Variants in ABLIM1 observed in about 807,000 individuals in gnomAD.
ABLIM1 encodes the protein actin binding LIM protein 1.
In ABLIM1, 40 loss-of-function variants were observed where a neutral mutation model predicts 107.0. That is an observed-to-expected ratio of 0.37 (90% CI 0.29 to 0.49). The LOEUF is 0.49. Ranked by LOEUF, ABLIM1 falls within the 20% of genes least tolerant of loss-of-function variation. The pLI is 0.97. For missense variants in ABLIM1, 857 were observed against 1,008.5 expected, an observed-to-expected ratio of 0.85 and a Z score of 2.04; for synonymous variants, 357 against 357.3, an observed-to-expected ratio of 1.00 and a Z score of 0.01.
At chr10:114,704,335 TTG>T (rs2081376841) in intron 1 of ABLIM1, among the ~76,000 whole-genome samples, 2 of 83,448 alleles carry the variant, frequency 2.4e-5, no homozygotes, top group Non-Finnish European at 5.1e-5. Flanking sequence ...TATATATATA[TTG>T]CGCGCGTTAC....
chr10:114,654,083 G>T (rs2141132887), intron 1 of ABLIM1, among the ~76,000 whole-genome samples: 1 of 152,340 alleles, frequency 6.6e-6, no homozygotes, highest in South Asian at 2.1e-4. Context: ...GCCAGGAGCT[G>T]CTCCTGAACA....
intron 1 of ABLIM1, among the ~76,000 whole-genome samples, chr10:114,725,263 A>G (rs2081932392): frequency 6.6e-6 from 1 of 152,252 alleles, no homozygotes; most frequent in Admixed American, 6.5e-5. Context: ...AGATGTATGT[A>G]CAAGGATGTT....
intron 1 of ABLIM1, among the ~76,000 whole-genome samples, chr10:114,755,357 C>T (rs1318238064): frequency 6.6e-6 from 1 of 152,094 alleles, no homozygotes; most frequent in African/African-American, 2.4e-5. Flanking sequence ...GTCCCTGGTG[C>T]CAAAAAGGTT....
At chr10:114,793,857 A>G in the ABLIM1 span, among the ~76,000 whole-genome samples, 118 of 152,258 alleles carry the variant, frequency 7.7e-4, 1 homozygote, top group South Asian at 0.024. Context: ...TGCAGTCTGA[A>G]AGCTCTCAAA....
intron 1 of ABLIM1, among the ~76,000 whole-genome samples, chr10:114,618,492 AG>A (rs2077268555): frequency 1.3e-5 from 2 of 152,240 alleles, no homozygotes; most frequent in South Asian, 4.1e-4. Context: ...GAGACAGGTT[AG>A]GAGCTTGGCT....
chr10:114,744,251 C>T (rs1180375397), intron 1 of ABLIM1, among the ~76,000 whole-genome samples: 1 of 152,194 alleles, frequency 6.6e-6, no homozygotes, highest in Non-Finnish European at 1.5e-5. Context: ...TTCCTGCTAT[C>T]TCACTGGCCA....
chr10:114,625,651 G>A (rs190972355), intron 1 of ABLIM1, among the ~76,000 whole-genome samples: 1 of 152,214 alleles, frequency 6.6e-6, no homozygotes, highest in Non-Finnish European at 1.5e-5. Context: ...AAAGGGGGGG[G>A]TACAGTATGT....
chr10:114,796,229 T>C, the ABLIM1 span, among the ~76,000 whole-genome samples: 1 of 152,118 alleles, frequency 6.6e-6, no homozygotes, highest in Non-Finnish European at 1.5e-5. Context: ...ACAGTTTCTG[T>C]GGGTTGGGAA....
intron 6 of ABLIM1, among the ~76,000 whole-genome samples, chr10:114,529,325 G>A (rs541071765): frequency 2.6e-5 from 4 of 151,992 alleles, no homozygotes; most frequent in Non-Finnish European, 4.4e-5. Context: ...GGGTTTCACC[G>A]TGGTGGCCAG....
At chr10:114,620,011 T>C (rs2077366561) in intron 1 of ABLIM1, among the ~76,000 whole-genome samples, 1 of 152,184 alleles carries the variant, frequency 6.6e-6, no homozygotes, top group Non-Finnish European at 1.5e-5. Context: ...ATACCTATTA[T>C]CACAATAACA....
chr10:114,548,428 C>T (rs1365094354), intron 4 of ABLIM1, among the ~76,000 whole-genome samples: 1 of 152,160 alleles, frequency 6.6e-6, no homozygotes, highest in African/African-American at 2.4e-5. Context: ...TGAGGAACCC[C>T]AGCTAACTCC....
At chr10:114,584,924 T>C (rs1361466479) in intron 2 of ABLIM1, among the ~76,000 whole-genome samples, 2 of 152,186 alleles carry the variant, frequency 1.3e-5, no homozygotes, top group Admixed American at 1.3e-4. Flanking sequence ...TAACCTGTTG[T>C]AGAACTTCGT....
chr10:114,696,008 G>A (rs2081187059), intron 1 of ABLIM1, among the ~76,000 whole-genome samples: 1 of 152,232 alleles, frequency 6.6e-6, no homozygotes, highest in Non-Finnish European at 1.5e-5. Context: ...CCTAACTACA[G>A]CCTCCCTGAT....
At chr10:114,472,926 A>G (rs770534295) in intron 10 of ABLIM1, 51 bp downstream of exon 10, 1 of 1,462,998 alleles carries the variant, frequency 6.8e-7, no homozygotes, top group East Asian at 2.5e-5. Flanking sequence ...CAAATGTGAC[A>G]AAAGGGAAGG....
intron 6 of ABLIM1, among the ~76,000 whole-genome samples, chr10:114,542,755 G>C (rs1591055358): frequency 1.3e-5 from 2 of 152,190 alleles, no homozygotes; most frequent in East Asian, 3.9e-4. Flanking sequence ...CTTCTGAGAA[G>C]AGCTCTCTGG....
chr10:114,501,668 T>C (rs1590552688), intron 6 of ABLIM1, among the ~76,000 whole-genome samples: 2 of 152,222 alleles, frequency 1.3e-5, no homozygotes, highest in Non-Finnish European at 2.9e-5. Flanking sequence ...ATGTATTTTT[T>C]AAAATTTAGC....
chr10:114,554,724 GA>G (rs1296502350), intron 4 of ABLIM1, among the ~76,000 whole-genome samples: 2 of 152,136 alleles, frequency 1.3e-5, no homozygotes, highest in African/African-American at 4.8e-5. Context: ...AATTAAGGTG[GA>G]AAAGGCAGCT....
chr10:114,609,210 T>TA (rs1021033780), intron 1 of ABLIM1, among the ~76,000 whole-genome samples: 2 of 152,188 alleles, frequency 1.3e-5, no homozygotes, highest in African/African-American at 4.8e-5. Context: ...AGCACTAAAA[T>TA]ACTCTACTAT....
At chr10:114,713,480 G>C (rs762478785) in intron 1 of ABLIM1, among the ~76,000 whole-genome samples, 37 of 152,168 alleles carry the variant, frequency 2.4e-4, no homozygotes, top group Non-Finnish European at 1.5e-4. Flanking sequence ...TGAAGAGAAA[G>C]GGAAAATCAA....
Sources: gnomAD v4.1 joint callset for allele counts (sites outside exome capture counted in the v4.1 genomes callset) on GRCh38, gnomAD v4.1.1 for gene constraint, MANE v1.5 for transcripts, NCBI Gene and HGNC (gene_info 2026-07-23, HGNC 2026-07-21) for gene names.